The following DYNC2I1 variants were observed in gnomAD, a reference collection of about 807,000 sequenced individuals.
The protein encoded by DYNC2I1 is dynein 2 intermediate chain 1, also known as cytoplasmic dynein 2 intermediate chain 1.
A neutral mutation model predicts 133.4 loss-of-function variants in DYNC2I1; 89 were observed. That is an observed-to-expected ratio of 0.67 (90% confidence interval 0.56 to 0.80). The LOEUF is 0.80. Among genes scored for constraint, DYNC2I1 ranks in the 30% least tolerant of loss-of-function variants. The pLI is 0.00. For synonymous variants in DYNC2I1, 504 were observed against 484.3 expected (o/e 1.04, Z -0.54); for missense variants, 1,291 against 1,314.5 (o/e 0.98, Z 0.28).
intron 8 of DYNC2I1, 35 bp from the exon 9 acceptor site, chr7:158,901,704 A>G: frequency 1.4e-6 from 2 of 1,379,966 alleles, no homozygotes; most frequent in Non-Finnish European, 2.0e-6. Flanking sequence ...TTTATGATTG[A>G]ATTTTTTGGT....
At chr7:158,953,688 T>C (rs752890046) in intron 4 of DYNC2I1, among the ~76,000 whole-genome samples, 8 of 152,184 alleles carry the variant, frequency 5.3e-5, no homozygotes, top group Non-Finnish European at 1.2e-4. Flanking sequence ...AGGTTGAGGC[T>C]GCAGAAAAGT....
At chr7:158,880,921 G>A (rs897594966) in intron 5 of DYNC2I1, among the ~76,000 whole-genome samples, 1 of 152,146 alleles carries the variant, frequency 6.6e-6, no homozygotes, top group Middle Eastern at 3.2e-3. Context: ...AGAGTCAGGT[G>A]GTATCTGAGG....
At position 158,922,537 on chromosome 7, in the gene DYNC2I1, A is replaced by G; in HGVS notation, c.2082A>G (p.Ile694Met). 6.2e-6 allele frequency: 10 copies of G among 1,613,728 alleles called. No homozygotes were observed. The highest frequency in any genetic ancestry group is 8.5e-6 in the Non-Finnish European group (10 of 1,179,796). ...WQPSGPQKVL[I>M]CESQVTCCCL... Reference sequence around the variant, plus strand: ...CTTCAGGGCCACAGAAAGTTCTGATATGTGAGTCCCAGGTACAGCTCAGGA... The same window carrying G: ...CTTCAGGGCCACAGAAAGTTCTGATGTGTGAGTCCCAGGTACAGCTCAGGA... Residue 694 changes from isoleucine (I) to methionine (M), a missense_variant, in exon 16 of 25, where the codon ATA becomes ATG. Transcript: ENST00000407559.
the DYNC2I1 span, among the ~76,000 whole-genome samples, chr7:158,849,448 T>G: frequency 1.3e-5 from 2 of 152,216 alleles, no homozygotes; most frequent in African/African-American, 4.8e-5. Context: ...GTGGTTGCTG[T>G]GCCTTTGCTC....
At chr7:158,873,593 T>C (rs1843071252) in intron 3 of DYNC2I1, among the ~76,000 whole-genome samples, 1 of 152,210 alleles carries the variant, frequency 6.6e-6, no homozygotes. Flanking sequence ...TAATTTTGTT[T>C]TCTTTAAAAA....
At position 158,922,373 on chromosome 7, in the gene DYNC2I1, C is replaced by A. The variant is rs753109945; in HGVS notation, c.1922-4C>A. 1 of 1,612,180 alleles carries A rather than the reference C, an allele frequency of 6.2e-7. No homozygotes were observed. Among genetic ancestry groups the A allele is most frequent in the Non-Finnish European group, 8.5e-7 (1 of 1,179,158 alleles). ...AAATGTGAACATATTTTTCTTCTCC[C>A]TAGATCGAAAAGTATCCTCCTTGCA... On this transcript the variant is annotated splice_region_variant and splice_polypyrimidine_tract_variant and intron_variant, in intron 15 of 24. Transcript: ENST00000407559.
chr7:158,936,399 G>A (rs1227941732), intron 23 of DYNC2I1, among the ~76,000 whole-genome samples: 1 of 152,064 alleles, frequency 6.6e-6, no homozygotes, highest in Non-Finnish European at 1.5e-5. Context: ...CAAGCAGATG[G>A]GAGGAGAACT....
At chr7:158,936,529 A>T (rs746128654) in intron 23 of DYNC2I1, among the ~76,000 whole-genome samples, 1 of 152,176 alleles carries the variant, frequency 6.6e-6, no homozygotes, top group Non-Finnish European at 1.5e-5. Flanking sequence ...CAGTTTTTCT[A>T]CTTTCTTGGG....
chr7:158,956,916 G>C (rs1473983905), downstream of DYNC2I1, among the ~76,000 whole-genome samples: 2 of 152,180 alleles, frequency 1.3e-5, no homozygotes, highest in African/African-American at 4.8e-5. Flanking sequence ...AGCGTGGCTG[G>C]ACCAGGATGG....
intron 7 of DYNC2I1, among the ~76,000 whole-genome samples, chr7:158,888,215 G>A (rs1844804980): frequency 2.0e-5 from 3 of 151,538 alleles, no homozygotes; most frequent in African/African-American, 7.3e-5. Flanking sequence ...AGTAGAGATG[G>A]GGTTTCACCA....
chr7:158,905,771 C>A (rs940210401), intron 10 of DYNC2I1, among the ~76,000 whole-genome samples: 1 of 152,094 alleles, frequency 6.6e-6, no homozygotes, highest in East Asian at 1.9e-4. Flanking sequence ...GTGGCACATA[C>A]AATAGATGAT....
intron 10 of DYNC2I1, chr7:158,905,248 C>G (rs1008160873): frequency 8.5e-6 from 3 of 353,678 alleles, no homozygotes; most frequent in African/African-American, 4.5e-5. Flanking sequence ...TCAAGCGATT[C>G]TTCTGCTTCA....
At chr7:158,875,117 A>G (rs551785162) in intron 3 of DYNC2I1, among the ~76,000 whole-genome samples, 14 of 133,210 alleles carry the variant, frequency 1.1e-4, no homozygotes, top group African/African-American at 4.1e-4. Context: ...TTTTTCTGAG[A>G]AGGAGTCTCG....
intron 15 of DYNC2I1, among the ~76,000 whole-genome samples, chr7:158,920,029 C>T (rs1169659283): frequency 1.3e-5 from 2 of 149,078 alleles, no homozygotes; most frequent in Non-Finnish European, 3.0e-5. Context: ...GTGTGTGTAC[C>T]ACAGCGTGTG....
chr7:158,893,061 T>C (rs1389281849), intron 8 of DYNC2I1, among the ~76,000 whole-genome samples: 1 of 152,136 alleles, frequency 6.6e-6, no homozygotes, highest in East Asian at 1.9e-4. Context: ...TTTGTTACAG[T>C]TGATGAGCCT....
chr7:158,911,761 C>G (rs1585127173), intron 12 of DYNC2I1, 82 bp downstream of exon 12: 2 of 1,459,888 alleles, frequency 1.4e-6, no homozygotes, highest in Non-Finnish European at 1.8e-6. Flanking sequence ...GAATAATGTT[C>G]TGCAATATTA....
chr7:158,913,821 G>C (rs1847734035), intron 13 of DYNC2I1, among the ~76,000 whole-genome samples: 1 of 152,154 alleles, frequency 6.6e-6, no homozygotes, highest in African/African-American at 2.4e-5. Context: ...TGATTCTCCT[G>C]CCTCAGCCTC....
At chr7:158,942,526 A>G (rs1851477838) in intron 24 of DYNC2I1, among the ~76,000 whole-genome samples, 1 of 152,228 alleles carries the variant, frequency 6.6e-6, no homozygotes, top group South Asian at 2.1e-4. Flanking sequence ...ATTATTTTAT[A>G]TTTAGCCCAA....
chr7:158,913,852 G>A (rs1160858104), intron 13 of DYNC2I1, among the ~76,000 whole-genome samples: 1 of 152,186 alleles, frequency 6.6e-6, no homozygotes. Flanking sequence ...GGGACTACAA[G>A]CGCCTGCTAT....
Sources: gnomAD v4.1 joint callset for allele counts (sites outside exome capture counted in the v4.1 genomes callset) on GRCh38, gnomAD v4.1.1 for gene constraint, MANE v1.5 for transcripts, NCBI Gene and HGNC (gene_info 2026-07-23, HGNC 2026-07-21) for gene names.